EEF1E1: variants seen among roughly 807,000 people sequenced by gnomAD.
EEF1E1 encodes the protein eukaryotic translation elongation factor 1 epsilon-1.
EEF1E1 carries 19 observed loss-of-function variants against 19.9 expected under a neutral mutation model. That is an observed-to-expected ratio of 0.95 (90% CI 0.66 to 1.40). The LOEUF is 1.40. EEF1E1 is among the 40% of genes most tolerant of loss of function. The pLI, the probability that EEF1E1 is intolerant of heterozygous loss-of-function variation, is 0.00. For synonymous variants in EEF1E1, 81 were observed against 80.0 expected (o/e 1.01, Z -0.07); for missense variants, 198 against 202.2 (o/e 0.98, Z 0.13).
downstream of EEF1E1, chr6:8,078,782 G>C: frequency 7.9e-7 from 1 of 1,262,550 alleles, no homozygotes; most frequent in Non-Finnish European, 1.0e-6. Flanking sequence ...ATTGCCAAGA[G>C]CTACATACTA....
chr6:8,075,134 C>A (rs1747953268), downstream of EEF1E1, among the ~76,000 whole-genome samples: 1 of 152,154 alleles, frequency 6.6e-6, no homozygotes, highest in Non-Finnish European at 1.5e-5. Context: ...AGCAGTGAAT[C>A]ATGATGTGGC....
intron 3 of EEF1E1, 38 bp downstream of exon 3, chr6:8,090,148 A>C (rs1757976697): frequency 1.1e-5 from 16 of 1,456,506 alleles, no homozygotes; most frequent in Non-Finnish European, 1.5e-5. Flanking sequence ...CATTCTCAAC[A>C]CTACAGAAAA....
intron 2 of EEF1E1, among the ~76,000 whole-genome samples, chr6:8,091,777 C>T (rs1188122686): frequency 6.6e-6 from 1 of 152,172 alleles, no homozygotes; most frequent in African/African-American, 2.4e-5. Flanking sequence ...TTCTTTGAGG[C>T]TCCTCTAAGG....
At position 8,102,542 on chromosome 6, in the gene EEF1E1, C is replaced by G. The variant is rs779400687; in HGVS notation, c.-21G>C. 1.2e-6 allele frequency: 2 copies of G among 1,607,046 alleles called. No homozygotes were observed. Among genetic ancestry groups the G allele is most frequent in the Admixed American group, 1.7e-5 (1 of 59,958 alleles). ...GCCATCTTCCGGCCGTAGCTCCTGG[C>G]AGACGCGAGACCTGCAGAACAAGAA... On this transcript the variant is annotated 5_prime_UTR_variant, in exon 1 of 4. Coordinates refer to ENST00000379715, the MANE Select transcript of EEF1E1 (RefSeq NM_004280.5).
At chr6:8,099,533 G>C (rs553023562) in intron 1 of EEF1E1, among the ~76,000 whole-genome samples, 1 of 152,126 alleles carries the variant, frequency 6.6e-6, no homozygotes, top group Admixed American at 6.6e-5. Context: ...GATCACCTGA[G>C]GTCGGGAGTA....
chr6:8,099,819 T>C (rs1758292512), intron 1 of EEF1E1, among the ~76,000 whole-genome samples: 1 of 148,748 alleles, frequency 6.7e-6, no homozygotes, highest in African/African-American at 2.5e-5. Flanking sequence ...CTCTATAATG[T>C]TCACACATGA....
intron 3 of EEF1E1, among the ~76,000 whole-genome samples, chr6:8,086,388 T>A (rs774594656): frequency 2.0e-5 from 3 of 152,180 alleles, no homozygotes; most frequent in Non-Finnish European, 4.4e-5. Flanking sequence ...CCTCTTATTC[T>A]TGGCAAATGG....
chr6:8,097,936 T>C (rs975271355), intron 1 of EEF1E1, among the ~76,000 whole-genome samples: 2 of 152,164 alleles, frequency 1.3e-5, no homozygotes, highest in African/African-American at 4.8e-5. Flanking sequence ...TTAAATTTTA[T>C]TGATACACAA....
At chr6:8,099,755 C>A (rs1019982967) in intron 1 of EEF1E1, among the ~76,000 whole-genome samples, 2 of 53,894 alleles carry the variant, frequency 3.7e-5, no homozygotes, top group South Asian at 5.7e-4. Flanking sequence ...CTCAAAAACA[C>A]ACACACACAC....
chr6:8,099,792 A>ACACAC (rs1554099745), intron 1 of EEF1E1, among the ~76,000 whole-genome samples: 17 of 78,436 alleles, frequency 2.2e-4, no homozygotes, highest in Non-Finnish European at 3.8e-4. Context: ...ACACACACAC[A>ACACAC]AAAAAAAAAC....
intron 2 of EEF1E1, among the ~76,000 whole-genome samples, chr6:8,093,839 C>T (rs1251159312): frequency 6.6e-6 from 1 of 151,786 alleles, no homozygotes; most frequent in Admixed American, 6.6e-5. Context: ...GCTCTGTTGC[C>T]CAGACTGGAG....
rs183601239 is a variant in EEF1E1 at position 8,090,055 on chromosome 6, T to C, written c.384+131A>G. The C allele has an allele frequency of 2.2e-4, 137 of 611,530 alleles. No individual in the cohort carries two copies. In the African/African-American group the frequency reaches 2.4e-3, roughly 11 times the overall value. 37.9% of individuals were successfully genotyped at this position (611,530 alleles called of 1,614,324 possible). A position where few individuals can be genotyped will look rare whatever the true frequency, so the allele number is the denominator to read the frequency against. ...GTGCAGGTTTGTTACAAAAGGCACC[T>C]TGTATAAAGGAATTCCTTTCATTTT... On this transcript the variant is annotated intron_variant, in intron 3 of 3. Transcript: ENST00000379715.
At position 8,089,610 on chromosome 6, in the gene EEF1E1, T is replaced by TG. The variant is rs539644548; in HGVS notation, c.384+575dup. On this transcript the variant is annotated intron_variant, in intron 3 of 3. Coordinates refer to ENST00000379715, the MANE Select transcript of EEF1E1 (RefSeq NM_004280.5). ...AGATGGTGCCCACCCAGATTAAGGT[T>TG]GGGTCTGCCTTCCCCAGCCCACTGA... Among the ~76,000 whole-genome samples, 84 of 152,328 alleles carry TG rather than the reference T, an allele frequency of 5.5e-4. 2 individuals carry two copies. Among genetic ancestry groups the TG allele is most frequent in the African/African-American group, 1.7e-3 (72 of 41,568 alleles).
intron 3 of EEF1E1, among the ~76,000 whole-genome samples, chr6:8,089,221 T>G (rs1157463793): frequency 6.6e-6 from 1 of 152,038 alleles, no homozygotes; most frequent in African/African-American, 2.4e-5. Context: ...GAAGAAAGTA[T>G]ACAGATTTGG....
Position 8,101,241 on chromosome 6 carries a change from AAAATATATATATATATATATATATAT to A in EEF1E1, c.87+1168_87+1193del, listed in dbSNP as rs1561647067. On this transcript the variant is annotated intron_variant, in intron 1 of 3. Transcript: ENST00000379715. ...ACTTTGTCTCAAAAAAAAAAAAAAA[AAAATATATATATATATATATATATAT>A]ATATATATATATATATGGCACTCTT... 7.9e-5 allele frequency among the ~76,000 whole-genome samples: 6 copies of A among 75,476 alleles called. 1 individual carries two copies. In the South Asian group the frequency reaches 3.4e-3, roughly 43 times the overall value. The allele number at this position is 75,476 out of a possible 152,430, so 49.5% of individuals were successfully genotyped here. A position where few individuals can be genotyped will look rare whatever the true frequency, so the allele number is the denominator to read the frequency against.
intron 3 of EEF1E1, among the ~76,000 whole-genome samples, chr6:8,085,700 G>T (rs1757835325): frequency 6.6e-6 from 1 of 152,138 alleles, no homozygotes; most frequent in Non-Finnish European, 1.5e-5. Context: ...TATTTACAAA[G>T]AATATTTGTA....
chr6:8,094,675 C>T (rs1021534601), intron 2 of EEF1E1, among the ~76,000 whole-genome samples: 1 of 151,818 alleles, frequency 6.6e-6, no homozygotes. Flanking sequence ...AATTGTGGTA[C>T]AATTACAGCT....
intron 2 of EEF1E1, among the ~76,000 whole-genome samples, chr6:8,091,917 A>C (rs1395967726): frequency 1.3e-5 from 2 of 152,218 alleles, no homozygotes; most frequent in African/African-American, 2.4e-5. Flanking sequence ...ACTATAATAG[A>C]ATACATAGAC....
chr6:8,080,285 T>C (rs1047020163), intron 3 of EEF1E1, among the ~76,000 whole-genome samples: 3 of 152,170 alleles, frequency 2.0e-5, no homozygotes, highest in African/African-American at 7.2e-5. Flanking sequence ...TTTCAACAAA[T>C]GCAAAATTTA....
Sources: allele counts gnomAD v4.1 joint callset (sites outside exome capture counted in the v4.1 genomes callset), GRCh38; gene constraint gnomAD v4.1.1; transcripts MANE v1.5; gene names NCBI Gene and HGNC (gene_info 2026-07-23, HGNC 2026-07-21).